The following SYNE2 variants were observed in gnomAD, a reference collection of about 807,000 sequenced individuals.
SYNE2 encodes the protein spectrin repeat containing nuclear envelope protein 2.
SYNE2 carries 431 observed loss-of-function variants against 856.3 expected under a neutral mutation model. The ratio of observed to expected loss-of-function variants is 0.50; its 90% CI spans 0.47 to 0.55. The LOEUF (loss-of-function observed/expected upper bound fraction) is 0.55, where lower values mean the gene tolerates loss of function less well. Among genes scored for constraint, SYNE2 ranks in the 20% least tolerant of loss-of-function variants. The pLI, the probability that SYNE2 is intolerant of heterozygous loss-of-function variation, is 0.00. For synonymous variants in SYNE2, 2,923 were observed against 2,872.3 expected (o/e 1.02, Z -0.56); for missense variants, 8,129 against 8,023.2 (o/e 1.01, Z -0.50).
At position 63,857,792 on chromosome 14, in the gene SYNE2, G is replaced by A. The variant is rs771119483; in HGVS notation, c.-52+4649G>A. On this transcript the variant is annotated intron_variant, in intron 1 of 115. Coordinates refer to ENST00000555002, the MANE Select transcript of SYNE2 (RefSeq NM_182914.3). ...AAGTGTCTACTCAAATTTTTTGCCC[G>A]TTTTCTTGCATTGTTTTCCTTCTTA... 1.2e-4 allele frequency among the ~76,000 whole-genome samples: 19 copies of A among 152,108 alleles called. No individual in the cohort carries two copies. In the South Asian group the frequency reaches 1.5e-3, roughly 12 times the overall value.
Position 64,062,834 on chromosome 14 carries a change from A to C in SYNE2, c.10151A>C (p.Gln3384Pro). The change falls in exon 50 of 116, where the codon CAG (glutamine) becomes CCG (proline). Residue 3384 changes from glutamine to proline, a missense_variant. This residue lies in a region of SYNE2 where 5,410 missense variants were observed against 5,284.8 expected (regional missense o/e 1.02). Transcript: ENST00000555002. ...AGCAAAATGGAGACAGTTCTTGGAC[A>C]GTCCATGTCCTCGTTGCCACTGTCT... ...NLSKMETVLG[Q>P]SMSSLPLSYR... 1 of 1,614,202 alleles carries C rather than the reference A, an allele frequency of 6.2e-7. No individual in the cohort carries two copies.
At chr14:64,192,174 T>C (rs1044848140) in intron 99 of SYNE2, among the ~76,000 whole-genome samples, 1 of 152,192 alleles carries the variant, frequency 6.6e-6, no homozygotes, top group Non-Finnish European at 1.5e-5. Context: ...TCTCAGAGCT[T>C]AGAATAGCGC....
intron 88 of SYNE2, chr14:64,162,501 C>T (rs993233068): frequency 1.9e-5 from 11 of 580,246 alleles, no homozygotes; most frequent in South Asian, 5.7e-5. Context: ...GATATCACCT[C>T]GTTCCAAGTC....
chr14:64,022,069 G>A (rs745996129), intron 37 of SYNE2, 41 bp downstream of exon 37: 7 of 1,591,232 alleles, frequency 4.4e-6, no homozygotes, highest in Middle Eastern at 3.5e-4. Context: ...TGGGACTCTT[G>A]AAGTATGAAT....
At chr14:63,859,157 C>CTAGATAT (rs751328032) in intron 1 of SYNE2, among the ~76,000 whole-genome samples, 2 of 152,180 alleles carry the variant, frequency 1.3e-5, no homozygotes, top group African/African-American at 4.8e-5. Flanking sequence ...AGATACCCTA[C>CTAGATAT]AGTGGATAGG....
chr14:63,767,424 T>A (rs535243340), intron 1 of SYNE2, among the ~76,000 whole-genome samples: 3 of 152,294 alleles, frequency 2.0e-5, no homozygotes, highest in South Asian at 4.1e-4. Context: ...TTTTATTTTT[T>A]AAATTTTTCT....
intron 6 of SYNE2, 97 bp from the exon 7 acceptor site, chr14:63,949,728 C>A: frequency 1.7e-6 from 2 of 1,211,692 alleles, no homozygotes; most frequent in Non-Finnish European, 2.5e-6. Context: ...ATGACTGTCA[C>A]AGGATGCTTT....
At chr14:64,020,216 A>C in intron 35 of SYNE2, 123 bp downstream of exon 35, 2 of 708,404 alleles carry the variant, frequency 2.8e-6, no homozygotes, top group African/African-American at 1.8e-5. Flanking sequence ...AAACGGCCCA[A>C]TTAAAGATTC....
intron 49 of SYNE2, 125 bp from the exon 50 acceptor site, chr14:64,062,626 G>C: frequency 1.0e-6 from 1 of 993,206 alleles, no homozygotes. Flanking sequence ...GCATTGCCTA[G>C]CAAAAACGAA....
intron 32 of SYNE2, among the ~76,000 whole-genome samples, chr14:64,010,476 CTG>C (rs1265816588): frequency 7.2e-5 from 11 of 152,296 alleles, no homozygotes; most frequent in African/African-American, 2.4e-4. Flanking sequence ...AAAATCCTCT[CTG>C]TTGTTAGTAG....
At chr14:64,032,658 T>A (rs931411933) in intron 45 of SYNE2, among the ~76,000 whole-genome samples, 1 of 152,046 alleles carries the variant, frequency 6.6e-6, no homozygotes, top group Admixed American at 6.6e-5. Context: ...CCGCAACCTC[T>A]GCCTCCCAGG....
rs2097211252 is a variant in SYNE2, at chr14:64,049,754, A to G, written c.7521A>G (p.Ala2507=). 7 of 1,614,172 alleles carry G rather than the reference A, an allele frequency of 4.3e-6. No individual in the cohort carries two copies. The highest frequency in any genetic ancestry group is 2.2e-5 in the East Asian group (1 of 44,870). ...SAQHLDNLLQ[A]LITLKKNKES... ...AGCATTTGGACAATTTGCTTCAGGC[A>G]CTTATTACTTTGAAGAAAAACAAAG... Residue 2507 remains alanine (A), a synonymous_variant, in exon 47 of 116, where the codon GCA becomes GCG. Transcript: ENST00000555002.
In SYNE2 at chr14:63,815,882, A is replaced by T. The variant is rs188113324; in HGVS notation, c.-304-36619A>T. 2.0e-5 allele frequency among the ~76,000 whole-genome samples: 3 copies of T among 152,142 alleles called. No individual in the cohort carries two copies. In the East Asian group the frequency reaches 5.8e-4, roughly 29 times the overall value. On this transcript the variant is annotated intron_variant, in intron 1 of 23. Coordinates refer to the SYNE2 transcript ENST00000674003. ...CTCCAGACTCAGAAACTGAGTTTAT[A>T]ATTTGCTCCAACCATTAACCTTTGT...
Position 63,868,448 on chromosome 14 carries a change from C to T in SYNE2, c.-52+15305C>T, listed in dbSNP as rs546021388. Reference sequence around the variant, plus strand: ...CGAGATCATGCCACTGCACTCGAGCCTGGACAGCAGAGTGAGACCCTGCCT... The same window carrying T: ...CGAGATCATGCCACTGCACTCGAGCTTGGACAGCAGAGTGAGACCCTGCCT... On this transcript the variant is annotated intron_variant, in intron 1 of 115. Transcript: ENST00000555002. Among the ~76,000 whole-genome samples the T allele has an allele frequency of 4.0e-5, 6 of 151,234 alleles. No individual in the cohort carries two copies. The South Asian group carries it at 1.3e-3, about 32-fold the overall frequency.
chr14:63,776,858 C>T (rs1337234594), intron 1 of SYNE2, among the ~76,000 whole-genome samples: 1 of 152,158 alleles, frequency 6.6e-6, no homozygotes, highest in African/African-American at 2.4e-5. Flanking sequence ...ACCTTGGCCT[C>T]CCAGAGTGCT....
rs1334941911 is a variant in SYNE2, at chr14:64,027,721, A to G, written c.6642A>G (p.Lys2214=). The part of the protein sequence containing the change: ...SQGNYLLECT[K]NPSFSEEPWL... ...GAAACTACCTCTTGGAGTGCACTAA[A>G]AATCCCAGCTTCAGTGAAGAGCCTT... Residue 2214 remains lysine (K), a synonymous_variant, in exon 43 of 116, where the codon AAA becomes AAG. Coordinates refer to ENST00000555002, the MANE Select transcript of SYNE2 (RefSeq NM_182914.3). 6.2e-7 allele frequency: 1 copy of G among 1,614,158 alleles called. No homozygotes were observed. The highest frequency in any genetic ancestry group is 8.5e-7 in the Non-Finnish European group (1 of 1,179,998).
At chr14:63,963,220 C>A (rs1030472634) in intron 9 of SYNE2, among the ~76,000 whole-genome samples, 89 of 152,126 alleles carry the variant, frequency 5.9e-4, no homozygotes, top group African/African-American at 1.9e-3. Flanking sequence ...AGGAGCTATT[C>A]TTTTCTAACT....
At chr14:63,841,710 G>T (rs1890069713) in intron 1 of SYNE2, among the ~76,000 whole-genome samples, 1 of 151,780 alleles carries the variant, frequency 6.6e-6, no homozygotes, top group African/African-American at 2.4e-5. Flanking sequence ...TGATATTTCT[G>T]TTTGGTTTTT....
chr14:63,893,343 G>C (rs866063339), intron 1 of SYNE2, among the ~76,000 whole-genome samples: 1 of 152,176 alleles, frequency 6.6e-6, no homozygotes, highest in Non-Finnish European at 1.5e-5. Flanking sequence ...CGGATCACTT[G>C]AGTCCGGGAG....
Sources: gnomAD v4.1 joint callset for allele counts (sites outside exome capture counted in the v4.1 genomes callset) on GRCh38, gnomAD v4.1.1 for gene constraint, gnomAD v4.1.1 regional missense constraint, MANE v1.5 for transcripts, NCBI Gene and HGNC (gene_info 2026-07-23, HGNC 2026-07-21) for gene names.